Variants in DYM observed in about 807,000 individuals in gnomAD.
DYM encodes the protein dyggve-Melchior-Clausen syndrome protein.
A neutral mutation model predicts 93.1 loss-of-function variants in DYM; 78 were observed. The ratio of observed to expected loss-of-function variants is 0.84; its 90% CI spans 0.70 to 1.01. The LOEUF (loss-of-function observed/expected upper bound fraction) is 1.01. Ranked by LOEUF, DYM falls within the 50% of genes least tolerant of loss-of-function variation. DYM has a pLI of 0.00. For missense variants in DYM, 789 were observed against 845.0 expected, an observed-to-expected ratio of 0.93 and a Z score of 0.82; for synonymous variants, 321 against 319.7, an observed-to-expected ratio of 1.00 and a Z score of -0.04.
chr18:49,236,322 T>C (rs2093859897), intron 13 of DYM, among the ~76,000 whole-genome samples: 1 of 151,870 alleles, frequency 6.6e-6, no homozygotes, highest in South Asian at 2.1e-4. Flanking sequence ...CTATTAAAAA[T>C]ACAAAAAATT....
chr18:49,432,162 G>A (rs76674654), intron 1 of DYM, among the ~76,000 whole-genome samples: 13,976 of 151,720 alleles, frequency 0.092, 877 homozygotes, highest in East Asian at 0.33. Context: ...CACCTGAGGC[G>A]ATCTACTCAA....
chr18:49,281,091 C>A (rs1179258194), intron 10 of DYM, among the ~76,000 whole-genome samples: 1 of 152,092 alleles, frequency 6.6e-6, no homozygotes, highest in Non-Finnish European at 1.5e-5. Context: ...GCAATGAACT[C>A]CAACAAAGTT....
Position 49,372,580 on chromosome 18 carries a change from T to TA in DYM, c.421+5986dup, listed in dbSNP as rs1406344705. ...CAACATGGCAAAACTCCGTCTCTACTAAAAAAATACAAAAATTAGCCAGGC... is the reference window on the plus strand; with the variant it reads ...CAACATGGCAAAACTCCGTCTCTACTAAAAAAAATACAAAAATTAGCCAGGC... On this transcript the variant is annotated intron_variant, in intron 5 of 17. Coordinates refer to ENST00000675505, the MANE Select transcript of DYM (RefSeq NM_001353214.3). Among the ~76,000 whole-genome samples the TA allele has an allele frequency of 3.9e-5, 6 of 152,016 alleles. No individual in the cohort carries two copies. In the East Asian group the frequency reaches 5.8e-4, roughly 15 times the overall value.
At chr18:49,163,892 C>T (rs2087522292) in intron 14 of DYM, 105 bp from the exon 15 acceptor site, 2 of 742,658 alleles carry the variant, frequency 2.7e-6, no homozygotes, top group Non-Finnish European at 4.7e-6. Context: ...CTAAAATATA[C>T]TTGTAAATGA....
chr18:49,176,960 A>C (rs1458759822), intron 14 of DYM, among the ~76,000 whole-genome samples: 1 of 152,094 alleles, frequency 6.6e-6, no homozygotes, highest in Admixed American at 6.6e-5. Flanking sequence ...CTATTAGAAA[A>C]TTATGTTCTG....
At position 49,257,046 on chromosome 18, in the gene DYM, C is replaced by G; in HGVS notation, c.1424G>C (p.Arg475Pro). The change falls in exon 13 of 18, where the codon CGT becomes CCT. Residue 475 changes from arginine to proline, a missense_variant. By Grantham distance (103) the Arg-to-Pro change is moderately radical. Around this residue, in one of 3 missense-constraint regions of DYM, gnomAD observed 225 missense variants for 303.0 expected, o/e 0.74. Transcript: ENST00000675505. ...CTGGGCAGCATACTGATGGAGAGAA[C>G]GAAACTGTGCCGACATATTTGCTAA... ...AALANMSAQF[R>P]SLHQYAAQRI... The G allele has an allele frequency of 6.2e-7, 1 of 1,613,904 alleles. No individual in the cohort carries two copies.
intron 1 of DYM, among the ~76,000 whole-genome samples, chr18:49,440,036 AT>A (rs2081197383): frequency 6.8e-6 from 1 of 147,122 alleles, no homozygotes; most frequent in Non-Finnish European, 1.5e-5. Context: ...AAATAAATAA[AT>A]AAATAAATAA....
chr18:49,311,282 C>T (rs974595275), intron 8 of DYM, among the ~76,000 whole-genome samples: 12 of 133,370 alleles, frequency 9.0e-5, no homozygotes, highest in African/African-American at 3.1e-4. Context: ...GAGGGCTTTA[C>T]AATCTTATTA....
rs56212722 is a variant in DYM at position 49,145,108 on chromosome 18, C to CATATATATATATATATATATATAT, written c.1728+18553_1728+18576dup. On this transcript the variant is annotated intron_variant, in intron 15 of 17. Transcript: ENST00000675505. ...TGCAAGATCCCGTCTCAAAAAAATT[C>CATATATATATATATATATATATAT]ATATATATATATATATATATATATA... Among the ~76,000 whole-genome samples, 43 of 18,720 alleles carry CATATATATATATATATATATATAT rather than the reference C, an allele frequency of 2.3e-3. 1 individual carries two copies. Among genetic ancestry groups the CATATATATATATATATATATATAT allele is most frequent in the South Asian group, 4.8e-3 (2 of 420 alleles). The allele number at this position is 18,720 out of a possible 152,430, so 12.3% of individuals were successfully genotyped here.
Position 49,336,296 on chromosome 18 carries a change from C to T in DYM, c.495-2443G>A, listed in dbSNP as rs190553046. The stretch of plus-strand genomic sequence containing the variant: ...GTCTAATAACCTTAGGGAAAGAATA[C>T]GTATTTAGAAAAAAGTGTTCTTCTC... On this transcript the variant is annotated intron_variant, in intron 6 of 17. Transcript: ENST00000675505. Among the ~76,000 whole-genome samples, 74 of 152,156 alleles carry T rather than the reference C, an allele frequency of 4.9e-4. 1 individual carries two copies. Among genetic ancestry groups the T allele is most frequent in the South Asian group, 2.7e-3 (13 of 4,818 alleles).
At chr18:49,080,536 G>A (rs1484938158) in intron 17 of DYM, among the ~76,000 whole-genome samples, 15 of 137,352 alleles carry the variant, frequency 1.1e-4, no homozygotes, top group African/African-American at 2.2e-4. Context: ...CAGTAGGGGC[G>A]GCCGGGCAGA....
At chr18:49,435,023 C>T (rs1394177850) in intron 1 of DYM, among the ~76,000 whole-genome samples, 2 of 151,848 alleles carry the variant, frequency 1.3e-5, no homozygotes. Flanking sequence ...GGCTGGCCAA[C>T]GTGGTAAAAC....
intron 8 of DYM, among the ~76,000 whole-genome samples, chr18:49,318,197 G>C (rs1297474013): frequency 1.3e-5 from 2 of 152,194 alleles, no homozygotes; most frequent in Admixed American, 1.3e-4. Context: ...AGTTGTTCAG[G>C]ATACACAGAA....
chr18:49,262,718 A>T (rs1316462907), intron 11 of DYM, among the ~76,000 whole-genome samples: 1 of 152,212 alleles, frequency 6.6e-6, no homozygotes, highest in East Asian at 1.9e-4. Context: ...TGTGGTCCAC[A>T]TCCATTCTTA....
At chr18:49,050,634 C>A (rs2072306236) in intron 17 of DYM, among the ~76,000 whole-genome samples, 1 of 151,986 alleles carries the variant, frequency 6.6e-6, no homozygotes, top group African/African-American at 2.4e-5. Flanking sequence ...TTGAAGTTCA[C>A]AGACAGCCCA....
chr18:49,263,280 G>A (rs781013726), intron 11 of DYM, among the ~76,000 whole-genome samples: 2 of 151,560 alleles, frequency 1.3e-5, no homozygotes, highest in African/African-American at 4.8e-5. Context: ...CAGCACACTC[G>A]GCTAATTTTT....
At chr18:49,260,158 G>A (rs2094467095) in intron 11 of DYM, among the ~76,000 whole-genome samples, 2 of 152,184 alleles carry the variant, frequency 1.3e-5, no homozygotes, top group Non-Finnish European at 2.9e-5. Flanking sequence ...TGTATTCCCA[G>A]CACTTTGGGA....
chr18:49,443,139 C>T (rs1005235562), intron 1 of DYM, among the ~76,000 whole-genome samples: 4 of 151,976 alleles, frequency 2.6e-5, no homozygotes, highest in African/African-American at 7.3e-5. Flanking sequence ...TAAGCCACTG[C>T]GCCCAACCTG....
At chr18:49,310,729 C>T (rs1237326816) in intron 8 of DYM, among the ~76,000 whole-genome samples, 1 of 152,074 alleles carries the variant, frequency 6.6e-6, no homozygotes, top group African/African-American at 2.4e-5. Flanking sequence ...ATTCAATACA[C>T]TATAGAAAAT....
Sources: gnomAD v4.1 joint callset for allele counts (sites outside exome capture counted in the v4.1 genomes callset) on GRCh38, gnomAD v4.1.1 for gene constraint, gnomAD v4.1.1 regional missense constraint, MANE v1.5 for transcripts, NCBI Gene and HGNC (gene_info 2026-07-23, HGNC 2026-07-21) for gene names.